ZFYVE9: variants seen among roughly 807,000 people sequenced by gnomAD.
ZFYVE9 encodes zinc finger FYVE-type containing 9.
ZFYVE9 carries 43 observed loss-of-function variants against 126.7 expected under a neutral mutation model. The ratio of observed to expected loss-of-function variants is 0.34; its 90% CI spans 0.27 to 0.44. The LOEUF is 0.44. Among genes scored for constraint, ZFYVE9 ranks in the 20% least tolerant of loss-of-function variants. The pLI, the probability that ZFYVE9 is intolerant of heterozygous loss-of-function variation, is 1.00. For missense variants in ZFYVE9, 1,476 were observed against 1,697.0 expected (o/e 0.87, Z 2.29); for synonymous variants, 521 against 597.4 (o/e 0.87, Z 1.87).
intron 1 of ZFYVE9, among the ~76,000 whole-genome samples, chr1:52,175,737 T>C (rs6679390): frequency 6.6e-6 from 1 of 151,928 alleles, no homozygotes. Context: ...CTTCCCTTCT[T>C]GCTTCATTTC....
chr1:52,184,393 ATTTTTTTTT>A (rs57242903), intron 1 of ZFYVE9, among the ~76,000 whole-genome samples: 25 of 115,072 alleles, frequency 2.2e-4, no homozygotes, highest in Non-Finnish European at 5.4e-5. Flanking sequence ...AGTCCAGCTA[ATTTTTTTTT>A]TTTTTTTTTT....
In ZFYVE9 at chr1:52,280,378, T is replaced by TAA. The variant is rs11342176; in HGVS notation, c.2870-1268_2870-1267dup. On this transcript the variant is annotated intron_variant, in intron 9 of 18. Transcript: ENST00000287727. ...CTGAATGACAGAGTGAGACCCTGTT[T>TAA]AAAAAAAAAAAAAAAATTAGCTAAC... Among the ~76,000 whole-genome samples the TAA allele has an allele frequency of 1.1e-4, 16 of 141,060 alleles. No individual in the cohort carries two copies. In the South Asian group the frequency reaches 1.4e-3, roughly 12 times the overall value. The allele number at this position is 141,060 out of a possible 152,430, so 92.5% of individuals were successfully genotyped here. A position where few individuals can be genotyped will look rare whatever the true frequency, so the allele number is the denominator to read the frequency against.
At chr1:52,147,324 A>G (rs1306333485) in intron 1 of ZFYVE9, among the ~76,000 whole-genome samples, 1 of 152,186 alleles carries the variant, frequency 6.6e-6, no homozygotes, top group Non-Finnish European at 1.5e-5. Context: ...GAGTTGTGCA[A>G]ACATCACTGC....
intron 1 of ZFYVE9, chr1:52,179,907 A>T: frequency 9.9e-7 from 1 of 1,007,102 alleles, no homozygotes; most frequent in Non-Finnish European, 1.6e-6. Flanking sequence ...GGCATCTTAA[A>T]GTCTGAAAGA....
intron 1 of ZFYVE9, among the ~76,000 whole-genome samples, chr1:52,144,764 G>C (rs1476550450): frequency 6.6e-6 from 1 of 152,036 alleles, no homozygotes; most frequent in African/African-American, 2.4e-5. Flanking sequence ...AGAGCCTCCT[G>C]TGATAGCTGT....
At chr1:52,187,686 C>T (rs1419194730) in intron 1 of ZFYVE9, among the ~76,000 whole-genome samples, 3 of 152,282 alleles carry the variant, frequency 2.0e-5, no homozygotes, top group South Asian at 2.1e-4. Context: ...GTGCGACCAA[C>T]AAGCATATGA....
At chr1:52,336,947 T>TAAAAAAAAAAAAA (rs71041896) in intron 15 of ZFYVE9, among the ~76,000 whole-genome samples, 16 of 107,848 alleles carry the variant, frequency 1.5e-4, no homozygotes, top group East Asian at 8.6e-4. Context: ...AGTCATCTCT[T>TAAAAAAAAAAAAA]AAAAAAAAAA....
rs1376447541 is a variant in ZFYVE9, at chr1:52,278,697, G to A, written c.2869+83G>A. The A allele has an allele frequency of 3.7e-5, 28 of 766,176 alleles. No individual in the cohort carries two copies. The South Asian group carries it at 4.8e-4, about 13-fold the overall frequency. The allele number at this position is 766,176 out of a possible 1,614,324, so 47.5% of individuals were successfully genotyped here. A position where few individuals can be genotyped will look rare whatever the true frequency, so the allele number is the denominator to read the frequency against. Reference sequence around the variant, plus strand: ...AAACTTTCAGATTTATTACACACAAGTATTTTTATATAGAGCCACATCTTT... The same window carrying A: ...AAACTTTCAGATTTATTACACACAAATATTTTTATATAGAGCCACATCTTT... On this transcript the variant is annotated intron_variant, in intron 9 of 18. Transcript: ENST00000287727.
At chr1:52,241,128 G>A (rs553599667) in intron 4 of ZFYVE9, among the ~76,000 whole-genome samples, 2 of 152,198 alleles carry the variant, frequency 1.3e-5, no homozygotes, top group East Asian at 3.9e-4. Context: ...CTTCACTATA[G>A]TAACCTTTTT....
At chr1:52,206,288 G>A (rs2124578475) in intron 1 of ZFYVE9, among the ~76,000 whole-genome samples, 1 of 152,302 alleles carries the variant, frequency 6.6e-6, no homozygotes, top group African/African-American at 2.4e-5. Context: ...TAGGTGGATA[G>A]GTTTTCCCTG....
At chr1:52,184,951 C>A (rs760600173) in intron 1 of ZFYVE9, among the ~76,000 whole-genome samples, 1 of 152,084 alleles carries the variant, frequency 6.6e-6, no homozygotes. Flanking sequence ...CTCAGGAGTT[C>A]AAGACCAGTC....
At chr1:52,171,131 C>G (rs1056698843) in intron 1 of ZFYVE9, among the ~76,000 whole-genome samples, 17 of 151,988 alleles carry the variant, frequency 1.1e-4, no homozygotes, top group Admixed American at 3.9e-4. Context: ...AGGTATATCT[C>G]CTAATGCTGT....
chr1:52,178,932 G>C (rs983257560), intron 1 of ZFYVE9, among the ~76,000 whole-genome samples: 2 of 152,050 alleles, frequency 1.3e-5, no homozygotes, highest in African/African-American at 2.4e-5. Context: ...AACCTCCTGA[G>C]TAGCTGGGAC....
At chr1:52,167,451 C>A (rs746729321) in intron 1 of ZFYVE9, among the ~76,000 whole-genome samples, 2 of 152,124 alleles carry the variant, frequency 1.3e-5, no homozygotes, top group African/African-American at 4.8e-5. Flanking sequence ...GCCATGAAGA[C>A]CCATCTCACT....
intron 4 of ZFYVE9, among the ~76,000 whole-genome samples, chr1:52,260,532 G>C (rs957759819): frequency 4.0e-5 from 6 of 151,842 alleles, no homozygotes; most frequent in Admixed American, 6.6e-5. Flanking sequence ...ATGCTTAAGT[G>C]GGGGCTGGGC....
chr1:52,275,823 A>G (rs1020360032), intron 8 of ZFYVE9, among the ~76,000 whole-genome samples: 1 of 150,438 alleles, frequency 6.6e-6, no homozygotes, highest in African/African-American at 2.5e-5. Context: ...AAACATAGAT[A>G]TTATCTTATA....
intron 2 of ZFYVE9, among the ~76,000 whole-genome samples, chr1:52,230,481 A>G (rs190581609): frequency 2.6e-5 from 4 of 151,618 alleles, no homozygotes; most frequent in Admixed American, 6.6e-5. Context: ...CAGCACACAT[A>G]TACCTATGTA....
intron 13 of ZFYVE9, among the ~76,000 whole-genome samples, chr1:52,325,363 TAAAAG>T (rs1296029597): frequency 2.0e-5 from 3 of 151,564 alleles, no homozygotes; most frequent in Non-Finnish European, 4.4e-5. Context: ...ACATAAAAAA[TAAAAG>T]AATTAGCCAG....
intron 1 of ZFYVE9, among the ~76,000 whole-genome samples, chr1:52,170,928 C>A (rs1298208852): frequency 6.6e-6 from 1 of 151,488 alleles, no homozygotes; most frequent in Non-Finnish European, 1.5e-5. Flanking sequence ...GTATATTCTG[C>A]AGTTATTGGA....
Sources: gnomAD v4.1 joint callset for allele counts (sites outside exome capture counted in the v4.1 genomes callset) on GRCh38, gnomAD v4.1.1 for gene constraint, MANE v1.5 for transcripts, NCBI Gene and HGNC (gene_info 2026-07-23, HGNC 2026-07-21) for gene names.